ACOXL: variants seen among roughly 807,000 people sequenced by gnomAD.
ACOXL encodes acyl-CoA oxidase like.
In ACOXL, 70 loss-of-function variants were observed where a neutral mutation model predicts 71.9. The observed-to-expected ratio is 0.97, with a 90% CI of 0.80 to 1.19. The LOEUF (loss-of-function observed/expected upper bound fraction) is 1.19. ACOXL is among the 50% of genes most tolerant of loss of function. The pLI is 0.00. For missense variants in ACOXL, 703 were observed against 736.3 expected, an observed-to-expected ratio of 0.95 and a Z score of 0.52; for synonymous variants, 253 against 281.6, an observed-to-expected ratio of 0.90 and a Z score of 1.02.
At chr2:111,061,565 G>A (rs1026345626) in intron 16 of ACOXL, among the ~76,000 whole-genome samples, 2 of 152,094 alleles carry the variant, frequency 1.3e-5, no homozygotes, top group Non-Finnish European at 2.9e-5. Context: ...AAAGAAGAAA[G>A]AATTCGGTAA....
In ACOXL at chr2:111,026,355, T is replaced by C. The variant is rs10207190; in HGVS notation, c.1282-5272T>C. 9.6e-3 allele frequency among the ~76,000 whole-genome samples: 1,461 copies of C among 152,220 alleles called. 22 individuals are homozygous for C. Among genetic ancestry groups the C allele is most frequent in the African/African-American group, 0.033 (1,368 of 41,540 alleles). The stretch of plus-strand genomic sequence containing the variant: ...ATTGGCATTGTGTTGCATCTATAGA[T>C]CAATATGGGGAGAAGTGACATCTTA... On this transcript the variant is annotated intron_variant, in intron 14 of 17. Transcript: ENST00000439055.
intron 11 of ACOXL, among the ~76,000 whole-genome samples, chr2:110,924,487 T>C (rs1205693340): frequency 6.6e-6 from 1 of 152,230 alleles, no homozygotes; most frequent in Non-Finnish European, 1.5e-5. Context: ...TTTTAAATCC[T>C]CACTTGTTAT....
intron 12 of ACOXL, among the ~76,000 whole-genome samples, chr2:110,969,667 C>T (rs1260095317): frequency 1.1e-4 from 17 of 151,874 alleles, no homozygotes; most frequent in South Asian, 6.3e-4. Flanking sequence ...AAAAATTAGC[C>T]GGGTGTGATG....
chr2:111,019,706 C>T (rs990126427), intron 14 of ACOXL, among the ~76,000 whole-genome samples: 1 of 152,178 alleles, frequency 6.6e-6, no homozygotes, highest in African/African-American at 2.4e-5. Flanking sequence ...TATTGCCGGA[C>T]TCCAGACCAG....
chr2:110,757,322 C>G (rs1679828279), intron 1 of ACOXL, among the ~76,000 whole-genome samples: 1 of 152,140 alleles, frequency 6.6e-6, no homozygotes, highest in African/African-American at 2.4e-5. Context: ...TAGGTTGATT[C>G]CATGTCTTTG....
chr2:110,886,190 G>A (rs554179599), intron 10 of ACOXL, among the ~76,000 whole-genome samples: 1 of 152,244 alleles, frequency 6.6e-6, no homozygotes, highest in Admixed American at 6.5e-5. Flanking sequence ...GAGTTAGCAG[G>A]GGTGGAGAAG....
At chr2:110,828,325 A>G (rs2105596611) in intron 9 of ACOXL, among the ~76,000 whole-genome samples, 1 of 152,278 alleles carries the variant, frequency 6.6e-6, no homozygotes. Flanking sequence ...GCTTTTATAC[A>G]CAGGGTTCTA....
intron 10 of ACOXL, among the ~76,000 whole-genome samples, chr2:110,856,226 A>G (rs1029990528): frequency 2.6e-5 from 4 of 152,174 alleles, no homozygotes; most frequent in Non-Finnish European, 5.9e-5. Context: ...CACTCGACCC[A>G]GGAAATCCAG....
intron 10 of ACOXL, among the ~76,000 whole-genome samples, chr2:110,883,859 A>G (rs1696979776): frequency 6.6e-6 from 1 of 152,238 alleles, no homozygotes; most frequent in Non-Finnish European, 1.5e-5. Context: ...ATGAGAGAAA[A>G]AAGTATGTAT....
At chr2:111,069,608 AAC>A (rs2067242986) in intron 16 of ACOXL, among the ~76,000 whole-genome samples, 1 of 152,204 alleles carries the variant, frequency 6.6e-6, no homozygotes, top group African/African-American at 2.4e-5. Context: ...TTCAGTCCAT[AAC>A]ACACAGCTTT....
In ACOXL at chr2:111,031,658, C is replaced by T; in HGVS notation, c.1313C>T (p.Ala438Val). ...VKTKKEDFFH[A>V]WNSCLHHVAS... ...ACCAAGAAGGAGGATTTTTTCCATG[C>T]CTGGAACTCGTGTCTGCACCACGTG... The change falls in exon 15 of 18, where the codon GCC becomes GTC. Residue 438 changes from alanine to valine, a missense_variant. Ala to Val is a moderately conservative substitution (Grantham distance 64, BLOSUM62 0). Transcript: ENST00000439055. 6.2e-7 allele frequency: 1 copy of T among 1,614,146 alleles called. No homozygotes were observed. Among genetic ancestry groups the T allele is most frequent in the South Asian group, 1.1e-5 (1 of 91,080 alleles).
chr2:111,093,341 C>G, intron 17 of ACOXL: 1 of 911,544 alleles, frequency 1.1e-6, no homozygotes, highest in Middle Eastern at 2.3e-4. Flanking sequence ...CAGTGGTAGC[C>G]ATGGGGAATT....
chr2:111,086,195 CT>C lies in ACOXL; in HGVS notation c.1441-6669del, dbSNP rs1210798107. The stretch of plus-strand genomic sequence containing the variant: ...ATTTCAAAACATTGAGAAAGGACAC[CT>C]CCCCAACTCATTCTATGAGGCTGGC... On this transcript the variant is annotated intron_variant, in intron 16 of 17. Coordinates refer to ENST00000439055, the MANE Select transcript of ACOXL (RefSeq NM_001142807.4). Among the ~76,000 whole-genome samples, 3 of 152,228 alleles carry C rather than the reference CT, an allele frequency of 2.0e-5. No individual in the cohort carries two copies. In the East Asian group the frequency reaches 5.8e-4, roughly 29 times the overall value.
intron 17 of ACOXL, among the ~76,000 whole-genome samples, chr2:111,097,407 A>G (rs907014506): frequency 2.0e-5 from 3 of 152,210 alleles, no homozygotes; most frequent in East Asian, 1.9e-4. Flanking sequence ...AAAAACTCCT[A>G]TCTCTCTGAC....
chr2:110,926,682 C>T (rs577917288), intron 11 of ACOXL, among the ~76,000 whole-genome samples: 73 of 152,100 alleles, frequency 4.8e-4, no homozygotes, highest in Non-Finnish European at 8.2e-4. Flanking sequence ...CTATTGCCAT[C>T]CCCTCCAGTA....
chr2:110,929,862 A>G (rs1380610469), intron 11 of ACOXL, among the ~76,000 whole-genome samples: 2 of 152,238 alleles, frequency 1.3e-5, no homozygotes, highest in Non-Finnish European at 2.9e-5. Flanking sequence ...CTGCAGGTTC[A>G]CAGAAGTCAA....
chr2:110,995,810 AAAAC>A, intron 13 of ACOXL, 79 bp from the exon 14 acceptor site: 2 of 1,111,118 alleles, frequency 1.8e-6, no homozygotes, highest in Non-Finnish European at 2.7e-6. Context: ...ATAGTTTTAA[AAAAC>A]AAACCTACTC....
intron 16 of ACOXL, among the ~76,000 whole-genome samples, chr2:111,080,536 A>G (rs1013692386): frequency 6.6e-6 from 1 of 152,170 alleles, no homozygotes; most frequent in South Asian, 2.1e-4. Flanking sequence ...TTAATAGCCT[A>G]TCAACCAAAA....
chr2:111,079,611 A>G (rs1414990258), intron 16 of ACOXL, among the ~76,000 whole-genome samples: 1 of 152,194 alleles, frequency 6.6e-6, no homozygotes, highest in Non-Finnish European at 1.5e-5. Context: ...CATGAGGAAA[A>G]AGAGTTAAAC....
Sources: allele counts gnomAD v4.1 joint callset (sites outside exome capture counted in the v4.1 genomes callset), GRCh38; gene constraint gnomAD v4.1.1; transcripts MANE v1.5; gene names NCBI Gene and HGNC (gene_info 2026-07-23, HGNC 2026-07-21).